Variants in LAMB1 observed in about 807,000 individuals in gnomAD.
LAMB1 encodes laminin subunit beta-1.
Under a neutral mutation model 222.3 loss-of-function variants are expected in LAMB1, and 121 were observed. The observed-to-expected ratio is 0.54, with a 90% CI of 0.47 to 0.63. The LOEUF is 0.63. Among genes scored for constraint, LAMB1 ranks in the 30% least tolerant of loss-of-function variants. The pLI, the probability that LAMB1 is intolerant of heterozygous loss-of-function variation, is 0.00. For missense variants in LAMB1, 2,172 were observed against 2,240.8 expected, an observed-to-expected ratio of 0.97 and a Z score of 0.62; for synonymous variants, 794 against 807.2, an observed-to-expected ratio of 0.98 and a Z score of 0.28.
chr7:107,998,259 G>C lies in LAMB1; in HGVS notation c.349+98C>G. 5 of 1,220,388 alleles carry C rather than the reference G, an allele frequency of 4.1e-6. No individual in the cohort carries two copies. The Admixed American group carries it at 9.5e-5, about 23-fold the overall frequency. The allele number at this position is 1,220,388 out of a possible 1,614,324, so 75.6% of individuals were successfully genotyped here. ...TGTCAGAGGCCATAATTACAGGACAGAGAAGTGAATCATAATTACAAACAC... is the reference window on the plus strand; with the variant it reads ...TGTCAGAGGCCATAATTACAGGACACAGAAGTGAATCATAATTACAAACAC... On this transcript the variant is annotated intron_variant, in intron 4 of 33. Transcript: ENST00000222399.
chr7:107,992,603 C>T (rs1442606382), intron 5 of LAMB1, among the ~76,000 whole-genome samples: 4 of 152,166 alleles, frequency 2.6e-5, no homozygotes, highest in Admixed American at 2.6e-4. Context: ...GTTCCCAGAA[C>T]AGAAGGGAAC....
At position 107,959,231 on chromosome 7, in the gene LAMB1, C is replaced by T; in HGVS notation, c.2690+18G>A. 2.5e-6 allele frequency: 4 copies of T among 1,589,662 alleles called. No homozygotes were observed. The highest frequency in any genetic ancestry group is 3.4e-6 in the Non-Finnish European group (4 of 1,159,492). On this transcript the variant is annotated intron_variant, in intron 20 of 33. Coordinates refer to ENST00000222399, the MANE Select transcript of LAMB1 (RefSeq NM_002291.3). ...GCCAGAGATCACTACATTCTCCTTA[C>T]TTTCAGCATCTGCATACCTTTCACA...
chr7:107,968,293 G>A (rs769089516), intron 13 of LAMB1, among the ~76,000 whole-genome samples: 2 of 152,098 alleles, frequency 1.3e-5, no homozygotes, highest in Non-Finnish European at 2.9e-5. Context: ...AGATTCTTAT[G>A]TATTCTCTAC....
intron 5 of LAMB1, among the ~76,000 whole-genome samples, chr7:107,989,557 T>C (rs777338920): frequency 6.6e-6 from 1 of 152,206 alleles, no homozygotes; most frequent in Non-Finnish European, 1.5e-5. Context: ...GCTGCTTAGG[T>C]TTATTTTTCA....
At chr7:107,962,711 A>G (rs1198769020) in intron 15 of LAMB1, among the ~76,000 whole-genome samples, 194 bp downstream of exon 15, 2 of 148,626 alleles carry the variant, frequency 1.3e-5, no homozygotes, top group Non-Finnish European at 3.0e-5. Flanking sequence ...GAGACTCAAA[A>G]AAAAAAAAAA....
At position 107,961,593 on chromosome 7, in the gene LAMB1, G is replaced by T. The variant is rs754506839; in HGVS notation, c.1941C>A (p.Ile647=). 2.5e-6 allele frequency: 4 copies of T among 1,613,992 alleles called. No individual in the cohort carries two copies. The East Asian group carries it at 8.9e-5, about 36-fold the overall frequency. ...IPTSSRCGNT[I]PDDDNQVVSL... ...ACACCACCTGGTTGTCATCATCGGG[G>T]ATGGTATTACCACATCGGCTGCTGG... The change falls in exon 16 of 34, where the codon ATC becomes ATA. Residue 647 remains isoleucine (I), a synonymous_variant. Transcript: ENST00000222399.
At chr7:107,950,037 C>T (rs780987503) in intron 24 of LAMB1, among the ~76,000 whole-genome samples, 35 of 152,102 alleles carry the variant, frequency 2.3e-4, no homozygotes, top group Non-Finnish European at 4.9e-4. Context: ...TGAGACCAGC[C>T]TGACCAATAT....
chr7:107,996,886 T>A (rs571656577), intron 4 of LAMB1, among the ~76,000 whole-genome samples: 69 of 152,248 alleles, frequency 4.5e-4, no homozygotes, highest in Non-Finnish European at 9.4e-4. Flanking sequence ...GAAATGTTCC[T>A]AGTCTTTGTT....
intron 2 of LAMB1, chr7:108,002,135 G>T: frequency 5.4e-6 from 8 of 1,472,142 alleles, no homozygotes; most frequent in Non-Finnish European, 7.3e-6. Flanking sequence ...ACCCACGCAC[G>T]TGAACCCGCG....
At chr7:107,976,615 A>C (rs2033861822) in intron 9 of LAMB1, among the ~76,000 whole-genome samples, 1 of 152,030 alleles carries the variant, frequency 6.6e-6, no homozygotes. Flanking sequence ...CCTGCAACAC[A>C]ACAGCCTGCA....
rs201170494 is a variant in LAMB1 at position 107,997,991 on chromosome 7, C to T, written c.349+366G>A. Among the ~76,000 whole-genome samples, 17 of 152,188 alleles carry T rather than the reference C, an allele frequency of 1.1e-4. No homozygotes were observed. The East Asian group carries it at 3.3e-3, about 29-fold the overall frequency. ...GTGGGGGCTATGATTCTGCCCCTTC[C>T]TTTGGGATTGATCAAAATGAAAGAT... On this transcript the variant is annotated intron_variant, in intron 4 of 33. Transcript: ENST00000222399.
chr7:107,962,707 C>CAAAAAAAAAAAAA (rs57580761), intron 15 of LAMB1, among the ~76,000 whole-genome samples, 198 bp downstream of exon 15: 1 of 98,694 alleles, frequency 1.0e-5, no homozygotes, highest in Non-Finnish European at 2.2e-5. Context: ...GAGCGAGACT[C>CAAAAAAAAAAAAA]AAAAAAAAAA....
At chr7:107,964,957 C>T (rs1259532438) in intron 13 of LAMB1, among the ~76,000 whole-genome samples, 2 of 152,204 alleles carry the variant, frequency 1.3e-5, no homozygotes, top group Non-Finnish European at 2.9e-5. Context: ...AGGTTTTCCA[C>T]ATCCCAAACC....
chr7:107,968,887 A>C (rs530280343), intron 13 of LAMB1, among the ~76,000 whole-genome samples: 2 of 152,318 alleles, frequency 1.3e-5, no homozygotes, highest in East Asian at 3.9e-4. Flanking sequence ...TAATAAACTT[A>C]TATTGTTTTA....
chr7:107,975,969 G>T, intron 9 of LAMB1, 92 bp from the exon 10 acceptor site: 1 of 1,142,074 alleles, frequency 8.8e-7, no homozygotes. Flanking sequence ...GGAAACCAGG[G>T]ACTAAGTTCA....
At chr7:108,000,213 T>G (rs1350322355) in intron 3 of LAMB1, among the ~76,000 whole-genome samples, 2 of 146,290 alleles carry the variant, frequency 1.4e-5, no homozygotes, top group Non-Finnish European at 1.5e-5. Flanking sequence ...AAAAAAAAAG[T>G]TTAAAAAAGT....
At position 107,987,972 on chromosome 7, in the gene LAMB1, C is replaced by A. The variant is rs1454839851; in HGVS notation, c.424-1609G>T. Among the ~76,000 whole-genome samples, 4 of 152,186 alleles carry A rather than the reference C, an allele frequency of 2.6e-5. No homozygotes were observed. In the South Asian group the frequency reaches 6.2e-4, roughly 24 times the overall value. On this transcript the variant is annotated intron_variant, in intron 5 of 33. Transcript: ENST00000222399. ...AATTTAAGTGGACAAATGAAATGAT[C>A]AGATTGCACTTTAGAAAAATAACTC...
In LAMB1 at chr7:107,962,970, C is replaced by T. The variant is rs763611676; in HGVS notation, c.1792G>A (p.Glu598Lys). Residue 598 changes from glutamate to lysine, a missense_variant, in exon 15 of 34, where the codon GAG (glutamate) becomes AAG (lysine). By Grantham distance (56) the Glu-to-Lys change is moderately conservative. Coordinates refer to ENST00000222399, the MANE Select transcript of LAMB1 (RefSeq NM_002291.3). ...TATGGTATGTTGTCAATGAAAAACTCCAAATAAGCCCCTTCAGGCACTCGG... is the reference window on the plus strand; with the variant it reads ...TATGGTATGTTGTCAATGAAAAACTTCAAATAAGCCCCTTCAGGCACTCGG... ...FVRVPEGAYL[E>K]FFIDNIPYSM... 3 of 1,614,036 alleles carry T rather than the reference C, an allele frequency of 1.9e-6. No individual in the cohort carries two copies. Among genetic ancestry groups the T allele is most frequent in the Non-Finnish European group, 2.5e-6 (3 of 1,179,976 alleles).
In LAMB1 at chr7:108,001,686, C is replaced by T. The variant is rs2034387545; in HGVS notation, c.85G>A (p.Gly29Ser). ...GGATAGCAGCTGCCTTCTGCGCAGC[C>T]GTAGCTGAACTCGGGTTCCTGAGCG... ...VRAQEPEFSYGCAEGSCYPAT... is the reference protein window; with the variant it reads ...VRAQEPEFSYSCAEGSCYPAT... The change falls in exon 3 of 34, where the codon GGC becomes AGC. Residue 29 changes from glycine to serine, a missense_variant. By Grantham distance (56) the Gly-to-Ser change is moderately conservative. Coordinates refer to ENST00000222399, the MANE Select transcript of LAMB1 (RefSeq NM_002291.3). 2 of 1,612,544 alleles carry T rather than the reference C, an allele frequency of 1.2e-6. No homozygotes were observed. Among genetic ancestry groups the T allele is most frequent in the South Asian group, 1.1e-5 (1 of 90,870 alleles).
Sources: gnomAD v4.1 joint callset for allele counts (sites outside exome capture counted in the v4.1 genomes callset) on GRCh38, gnomAD v4.1.1 for gene constraint, MANE v1.5 for transcripts, NCBI Gene and HGNC (gene_info 2026-07-23, HGNC 2026-07-21) for gene names.